CPNE4: variants seen among roughly 807,000 people sequenced by gnomAD.
The protein encoded by CPNE4 is copine-4.
Under a neutral mutation model 67.9 loss-of-function variants are expected in CPNE4, and 25 were observed. The ratio of observed to expected loss-of-function variants is 0.37; its 90% CI spans 0.27 to 0.51. The LOEUF (loss-of-function observed/expected upper bound fraction) is 0.51. Ranked by LOEUF, CPNE4 falls within the 20% of genes least tolerant of loss-of-function variation. CPNE4 has a pLI of 0.93. For synonymous variants in CPNE4, 242 were observed against 244.9 expected, an observed-to-expected ratio of 0.99 and a Z score of 0.11; for missense variants, 464 against 690.8, an observed-to-expected ratio of 0.67 and a Z score of 3.68.
chr3:131,618,587 G>C (rs1457332659), intron 7 of CPNE4, among the ~76,000 whole-genome samples: 1 of 152,094 alleles, frequency 6.6e-6, no homozygotes, highest in East Asian at 1.9e-4. Flanking sequence ...GGATATTTAT[G>C]GAAAGAAAGT....
intron 7 of CPNE4, among the ~76,000 whole-genome samples, chr3:131,622,018 CAA>C (rs34415771): frequency 2.8e-4 from 16 of 58,022 alleles, no homozygotes; most frequent in East Asian, 8.4e-4. Flanking sequence ...GACCCTGTCT[CAA>C]AAAAAAAAAA....
Position 131,846,921 on chromosome 3 carries a change from T to C in CPNE4, c.180+58343A>G, listed in dbSNP as rs77279000. On this transcript the variant is annotated intron_variant, in intron 2 of 15. Transcript: ENST00000429747. ...CCCGGAAAATTAAGCAGAAGCTCTA[T>C]TTCCTTCCATGATCTTTGCTTCTGA... Among the ~76,000 whole-genome samples, 238 of 152,304 alleles carry C rather than the reference T, an allele frequency of 1.6e-3. 1 individual carries two copies. The highest frequency in any genetic ancestry group is 3.1e-3 in the Non-Finnish European group (209 of 68,028).
intron 6 of CPNE4, among the ~76,000 whole-genome samples, chr3:131,684,117 C>T (rs115124137): frequency 0.02 from 3,099 of 152,278 alleles, 114 homozygotes; most frequent in African/African-American, 0.071. Context: ...AAACCAAGTA[C>T]TGTGGTCATT....
At chr3:131,552,646 A>G (rs954268647) in intron 12 of CPNE4, among the ~76,000 whole-genome samples, 155 bp from the exon 13 acceptor site, 2 of 152,124 alleles carry the variant, frequency 1.3e-5, no homozygotes, top group African/African-American at 4.8e-5. Context: ...TACACAATCA[A>G]TATGAGATGG....
chr3:131,798,286 C>T (rs1022160316), intron 2 of CPNE4, among the ~76,000 whole-genome samples: 1 of 152,202 alleles, frequency 6.6e-6, no homozygotes, highest in African/African-American at 2.4e-5. Flanking sequence ...GAAATGAACA[C>T]TCTTCAGAGG....
chr3:131,877,220 T>C (rs886804938), intron 2 of CPNE4, among the ~76,000 whole-genome samples: 4 of 152,076 alleles, frequency 2.6e-5, no homozygotes, highest in African/African-American at 7.2e-5. Context: ...ATTCCAGACA[T>C]GGATGATACA....
At chr3:132,039,315 A>T (rs1036475740), upstream of CPNE4, among the ~76,000 whole-genome samples, 1 of 152,232 alleles carries the variant, frequency 6.6e-6, no homozygotes, top group African/African-American at 2.4e-5. Flanking sequence ...GTCAGCCATC[A>T]TGTGACTATG....
intron 3 of CPNE4, among the ~76,000 whole-genome samples, chr3:131,717,743 G>A (rs751424707): frequency 3.9e-5 from 6 of 151,940 alleles, no homozygotes; most frequent in Non-Finnish European, 5.9e-5. Context: ...AACTACTGCC[G>A]CCCGCATTTC....
intron 2 of CPNE4, among the ~76,000 whole-genome samples, chr3:131,861,395 C>A (rs1228671067): frequency 7.0e-6 from 1 of 142,468 alleles, no homozygotes; most frequent in Non-Finnish European, 1.5e-5. Flanking sequence ...TTTAGAATAT[C>A]TCATCTTTGT....
At chr3:131,668,312 C>T (rs1035329282) in intron 7 of CPNE4, among the ~76,000 whole-genome samples, 1 of 152,142 alleles carries the variant, frequency 6.6e-6, no homozygotes, top group Non-Finnish European at 1.5e-5. Context: ...GTTTGTGGGG[C>T]AAAAGTAGTG....
chr3:132,035,219 T>TG (rs1437378899), upstream of CPNE4: 1 of 177,832 alleles, frequency 5.6e-6, no homozygotes, highest in African/African-American at 2.4e-5. Flanking sequence ...ACTGAGCTCC[T>TG]GGGGACACTT....
intron 1 of CPNE4, among the ~76,000 whole-genome samples, chr3:131,984,780 TC>T (rs1371001123): frequency 1.3e-5 from 2 of 152,180 alleles, no homozygotes; most frequent in Non-Finnish European, 2.9e-5. Context: ...GATTAATACC[TC>T]AGTTTCTTCT....
At chr3:132,002,307 A>G (rs2073475441) in intron 1 of CPNE4, among the ~76,000 whole-genome samples, 1 of 152,166 alleles carries the variant, frequency 6.6e-6, no homozygotes, top group Non-Finnish European at 1.5e-5. Flanking sequence ...GAAGAAGAAA[A>G]GGCCAGTGAC....
chr3:131,618,868 C>T (rs975909326), intron 7 of CPNE4, among the ~76,000 whole-genome samples: 1 of 152,098 alleles, frequency 6.6e-6, no homozygotes, highest in Non-Finnish European at 1.5e-5. Flanking sequence ...TATTTAAAGG[C>T]TTGTGTGTAA....
intron 2 of CPNE4, among the ~76,000 whole-genome samples, chr3:131,797,372 C>G (rs1249662407): frequency 6.6e-6 from 1 of 152,150 alleles, no homozygotes; most frequent in Non-Finnish European, 1.5e-5. Context: ...AAGGGACCAT[C>G]ATGGTGACTG....
intron 2 of CPNE4, among the ~76,000 whole-genome samples, chr3:131,748,371 T>C (rs1289164263): frequency 6.6e-6 from 1 of 152,026 alleles, no homozygotes; most frequent in Non-Finnish European, 1.5e-5. Context: ...GGTAAGAATT[T>C]TTGCATCTAT....
rs1002261879 is a variant in CPNE4 at position 131,561,846 on chromosome 3, A to T, written c.1061+2370T>A. 3.3e-5 allele frequency among the ~76,000 whole-genome samples: 5 copies of T among 152,200 alleles called. No homozygotes were observed. In the East Asian group the frequency reaches 9.7e-4, roughly 29 times the overall value. ...TATTGTCTATCCACCCACACAAAAG[A>T]GAAACAGCGGAACCTTGTCAGTTTT... On this transcript the variant is annotated intron_variant, in intron 11 of 15. Transcript: ENST00000429747.
intron 2 of CPNE4, among the ~76,000 whole-genome samples, chr3:131,811,016 C>T (rs1272060834): frequency 6.6e-6 from 1 of 151,742 alleles, no homozygotes; most frequent in African/African-American, 2.4e-5. Context: ...TGGTGGTTAC[C>T]AGGAAAGGAG....
intron 2 of CPNE4, among the ~76,000 whole-genome samples, chr3:131,729,471 G>A (rs2082078215): frequency 6.6e-6 from 1 of 152,132 alleles, no homozygotes; most frequent in African/African-American, 2.4e-5. Context: ...TCAATTTCAG[G>A]ATTTCAGCTG....
Sources: gnomAD v4.1 joint callset for allele counts (sites outside exome capture counted in the v4.1 genomes callset) on GRCh38, gnomAD v4.1.1 for gene constraint, MANE v1.5 for transcripts, NCBI Gene and HGNC (gene_info 2026-07-23, HGNC 2026-07-21) for gene names.